The following ZFHX3 variants were observed in gnomAD, a reference collection of about 807,000 sequenced individuals.
ZFHX3 encodes zinc finger homeobox protein 3.
ZFHX3 carries 42 observed loss-of-function variants against 279.1 expected under a neutral mutation model. The ratio of observed to expected loss-of-function variants is 0.15; its 90% CI spans 0.12 to 0.19. ZFHX3 has a LOEUF of 0.19. ZFHX3 is among the 10% of genes least tolerant of loss of function. ZFHX3 has a pLI of 1.00. For missense variants in ZFHX3, 4,981 were observed against 4,754.0 expected, an observed-to-expected ratio of 1.05 and a Z score of -1.40; for synonymous variants, 2,293 against 1,957.8, an observed-to-expected ratio of 1.17 and a Z score of -4.52.
intron 5 of ZFHX3, among the ~76,000 whole-genome samples, chr16:73,198,282 T>C (rs1358697800): frequency 1.3e-5 from 2 of 151,806 alleles, no homozygotes; most frequent in Admixed American, 6.6e-5. Context: ...TCACAAAGAC[T>C]GTAAGTCTTT....
rs1468578266 is a variant in ZFHX3 at position 72,788,614 on chromosome 16, G to A, written c.9662C>T (p.Thr3221Ile). The change falls in exon 10 of 10, where the codon ACA (threonine) becomes ATA (isoleucine). Residue 3221 changes from threonine to isoleucine, a missense_variant. Coordinates refer to ENST00000268489, the MANE Select transcript of ZFHX3 (RefSeq NM_006885.4). ...CTGCTGTTGCAGTGGGAGCTGTGGT[G>A]TGGGTGGCGGCTGGGCTGCTGGCGG... ...PPPPAAQPPP[T>I]PQLPLQQQQQ... is the part of the protein sequence containing the mutation. 1.2e-6 allele frequency: 2 copies of A among 1,613,610 alleles called. No homozygotes were observed. The highest frequency in any genetic ancestry group is 1.7e-6 in the Non-Finnish European group (2 of 1,179,824).
intron 1 of ZFHX3, among the ~76,000 whole-genome samples, chr16:73,831,441 A>G (rs1421473726): frequency 6.6e-6 from 1 of 152,144 alleles, no homozygotes; most frequent in African/African-American, 2.4e-5. Context: ...AACAGATGGG[A>G]ATGGGCAAAA....
chr16:73,007,124 T>C (rs949887095), intron 1 of ZFHX3, among the ~76,000 whole-genome samples: 2 of 152,250 alleles, frequency 1.3e-5, no homozygotes, highest in East Asian at 3.8e-4. Context: ...CATTCTGATA[T>C]TAAGCCCCTT....
At chr16:73,743,293 G>C (rs1342449365) in intron 1 of ZFHX3, among the ~76,000 whole-genome samples, 1 of 152,190 alleles carries the variant, frequency 6.6e-6, no homozygotes, top group Non-Finnish European at 1.5e-5. Context: ...CTACAGCACA[G>C]ACAGACATTC....
intron 2 of ZFHX3, among the ~76,000 whole-genome samples, chr16:73,482,412 C>A (rs1207814620): frequency 6.6e-6 from 1 of 152,122 alleles, no homozygotes; most frequent in African/African-American, 2.4e-5. Flanking sequence ...GTGTGAGGAT[C>A]GGCCCTTCAC....
chr16:73,375,404 G>T (rs1354861915), intron 3 of ZFHX3, among the ~76,000 whole-genome samples: 2 of 152,024 alleles, frequency 1.3e-5, no homozygotes, highest in African/African-American at 4.8e-5. Flanking sequence ...AAAGCCCTGG[G>T]TCCTTTTAGT....
At chr16:73,726,111 A>C (rs939601419) in intron 1 of ZFHX3, among the ~76,000 whole-genome samples, 2 of 152,156 alleles carry the variant, frequency 1.3e-5, no homozygotes, top group African/African-American at 4.8e-5. Context: ...AAGGGGAAGG[A>C]GGTAACAGAT....
At chr16:73,856,465 G>C (rs1961730733) in intron 1 of ZFHX3, among the ~76,000 whole-genome samples, 2 of 152,114 alleles carry the variant, frequency 1.3e-5, no homozygotes, top group South Asian at 4.2e-4. Context: ...CTTTCTTAGA[G>C]GATTTCAATC....
chr16:73,026,673 C>CAAAAAAAAAAAAAA lies in ZFHX3; in HGVS notation c.-50+21065_-50+21078dup, dbSNP rs10561679. On this transcript the variant is annotated intron_variant, in intron 1 of 9. Transcript: ENST00000268489. ...CCCGGCAACAAGAGCAAAACTGCCTCAAAAAAAAAAAAAAAAAAAAAACAC... is the reference window on the plus strand; with the variant it reads ...CCCGGCAACAAGAGCAAAACTGCCTCAAAAAAAAAAAAAAAAAAAAAAAAAAAAAAAAAAAACAC... Among the ~76,000 whole-genome samples the CAAAAAAAAAAAAAA allele has an allele frequency of 1.2e-3, 97 of 79,560 alleles. 2 individuals are homozygous for CAAAAAAAAAAAAAA. Among genetic ancestry groups the CAAAAAAAAAAAAAA allele is most frequent in the East Asian group, 6.0e-3 (19 of 3,144 alleles). The allele number at this position is 79,560 out of a possible 152,430, so 52.2% of individuals were successfully genotyped here.
intron 3 of ZFHX3, among the ~76,000 whole-genome samples, chr16:73,446,055 G>C: frequency 6.6e-6 from 1 of 152,134 alleles, no homozygotes. Flanking sequence ...ACTTTCCTGA[G>C]GATCTGTTTC....
At chr16:73,457,723 C>T (rs1049723703) in intron 2 of ZFHX3, among the ~76,000 whole-genome samples, 2 of 152,078 alleles carry the variant, frequency 1.3e-5, no homozygotes, top group African/African-American at 2.4e-5. Context: ...TGCAGCGAGC[C>T]GAGATTGCAC....
rs142720659 is a variant in ZFHX3 at position 73,351,007 on chromosome 16, G to A, written c.-1290-32671C>T. ...TTGAAAAATGGAGGTGTCAGCATCC[G>A]ATGACCTTCCCCGCATAAGAAAGGG... On this transcript the variant is annotated intron_variant, in intron 3 of 17. Coordinates refer to the ZFHX3 transcript ENST00000641206. 3.4e-3 allele frequency among the ~76,000 whole-genome samples: 513 copies of A among 152,268 alleles called. 2 individuals are homozygous for A. The highest frequency in any genetic ancestry group is 0.012 in the African/African-American group (497 of 41,562).
At chr16:73,674,411 T>G (rs2052933451) in intron 2 of ZFHX3, among the ~76,000 whole-genome samples, 1 of 152,250 alleles carries the variant, frequency 6.6e-6, no homozygotes, top group South Asian at 2.1e-4. Flanking sequence ...AGACTAAAAA[T>G]CAATTGGAAG....
At chr16:73,235,694 A>G (rs1555505448) in intron 5 of ZFHX3, among the ~76,000 whole-genome samples, 1 of 151,078 alleles carries the variant, frequency 6.6e-6, no homozygotes. Flanking sequence ...TTTTTTTTAG[A>G]TAGCATCTCG....
chr16:73,238,489 A>C (rs2013021015), intron 5 of ZFHX3, among the ~76,000 whole-genome samples: 1 of 149,572 alleles, frequency 6.7e-6, no homozygotes, highest in Non-Finnish European at 1.5e-5. Flanking sequence ...CCCTATTTCT[A>C]TTTTCTCTTT....
At position 72,960,197 on chromosome 16, in the gene ZFHX3, GAAGGGCAGAGGC is replaced by G. The variant is rs1441772161; in HGVS notation, c.-49-15_-49-4del. The G allele has an allele frequency of 1.3e-6, 2 of 1,492,544 alleles. No individual in the cohort carries two copies. The highest frequency in any genetic ancestry group is 1.8e-6 in the Non-Finnish European group (2 of 1,119,700). The allele number at this position is 1,492,544 out of a possible 1,614,324, so 92.5% of individuals were successfully genotyped here. ...GCACCCAGTACGGAGGCTCGGACCT[GAAGGGCAGAGGC>G]AAGGGGGGAGGAGGGAGAGAGGGGA... On this transcript the variant is annotated splice_region_variant and splice_polypyrimidine_tract_variant and intron_variant, in intron 1 of 9. Transcript: ENST00000268489.
At chr16:73,772,616 CCTT>C (rs1218665713) in intron 1 of ZFHX3, among the ~76,000 whole-genome samples, 1 of 152,202 alleles carries the variant, frequency 6.6e-6, no homozygotes, top group Admixed American at 6.5e-5. Context: ...TAGCTAGTCT[CCTT>C]CTCACTTGGA....
At chr16:73,518,749 T>C (rs1202403344) in intron 2 of ZFHX3, among the ~76,000 whole-genome samples, 2 of 152,294 alleles carry the variant, frequency 1.3e-5, no homozygotes, top group Non-Finnish European at 1.5e-5. Context: ...GGCTGCTTTT[T>C]CCCCGTTCTG....
chr16:72,974,072 A>G (rs1962233233), intron 1 of ZFHX3, among the ~76,000 whole-genome samples: 1 of 152,228 alleles, frequency 6.6e-6, no homozygotes, highest in Non-Finnish European at 1.5e-5. Context: ...AGTAAGTGCT[A>G]TCATTCAAGG....
Sources: gnomAD v4.1 joint callset for allele counts (sites outside exome capture counted in the v4.1 genomes callset) on GRCh38, gnomAD v4.1.1 for gene constraint, MANE v1.5 for transcripts, NCBI Gene and HGNC (gene_info 2026-07-23, HGNC 2026-07-21) for gene names.